CLPTM1: variants seen among roughly 807,000 people sequenced by gnomAD.
The protein encoded by CLPTM1 is putative lipid scramblase CLPTM1.
In CLPTM1, 21 loss-of-function variants were observed where a neutral mutation model predicts 77.3. That is an observed-to-expected ratio of 0.27 (90% CI 0.19 to 0.39). CLPTM1 has a LOEUF of 0.39. Ranked by LOEUF, CLPTM1 falls within the 10% of genes least tolerant of loss-of-function variation. The pLI, the probability that CLPTM1 is intolerant of heterozygous loss-of-function variation, is 1.00. For synonymous variants in CLPTM1, 373 were observed against 381.0 expected (o/e 0.98, Z 0.24); for missense variants, 642 against 921.2 (o/e 0.70, Z 3.92).
In CLPTM1 at chr19:44,993,097, C is replaced by A; in HGVS notation, c.*200C>A. The A allele has an allele frequency of 1.5e-6, 1 of 681,562 alleles. No individual in the cohort carries two copies. Among genetic ancestry groups the A allele is most frequent in the East Asian group, 3.0e-5 (1 of 33,838 alleles). 42.2% of individuals were successfully genotyped at this position (681,562 alleles called of 1,614,324 possible). A position where few individuals can be genotyped will look rare whatever the true frequency, so the allele number is the denominator to read the frequency against. On this transcript the variant is annotated 3_prime_UTR_variant, in exon 14 of 14. Coordinates refer to ENST00000337392, the MANE Select transcript of CLPTM1 (RefSeq NM_001294.4). Reference sequence around the variant, plus strand: ...GTTTGTGGAGGCGCTGTCTGTCCCTCTGTCCCTCTGTGTTTCCAGCCATCT... The same window carrying A: ...GTTTGTGGAGGCGCTGTCTGTCCCTATGTCCCTCTGTGTTTCCAGCCATCT...
At chr19:44,975,554 G>T (rs565862506) in intron 4 of CLPTM1, among the ~76,000 whole-genome samples, 1 of 147,854 alleles carries the variant, frequency 6.8e-6, no homozygotes, top group East Asian at 2.0e-4. Flanking sequence ...AGTCATTCTG[G>T]TTTTTTTTTT....
intron 3 of CLPTM1, 68 bp from the exon 4 acceptor site, chr19:44,974,371 G>A: frequency 6.6e-7 from 1 of 1,526,272 alleles, no homozygotes; most frequent in Admixed American, 1.9e-5. Flanking sequence ...CGCTGCCATA[G>A]CTCTTTAGCC....
intron 9 of CLPTM1, among the ~76,000 whole-genome samples, chr19:44,988,929 C>G (rs1186083435): frequency 2.0e-5 from 3 of 152,138 alleles, no homozygotes; most frequent in Non-Finnish European, 4.4e-5. Flanking sequence ...GCCTGTAATC[C>G]CAGCACTTTG....
At chr19:44,980,467 C>T (rs1970876299) in intron 5 of CLPTM1, among the ~76,000 whole-genome samples, 1 of 147,936 alleles carries the variant, frequency 6.8e-6, no homozygotes, top group African/African-American at 2.5e-5. Flanking sequence ...CGAGATCGTG[C>T]CACTGTACTC....
chr19:44,986,282 T>C (rs1970976186), intron 6 of CLPTM1, among the ~76,000 whole-genome samples, 173 bp from the exon 7 acceptor site: 1 of 454 alleles, frequency 2.2e-3, no homozygotes, highest in African/African-American at 0.015. Context: ...AGGATCGTGC[T>C]TGAGCCCAGA....
At position 44,992,788 on chromosome 19, in the gene CLPTM1, G is replaced by A; in HGVS notation, c.1901G>A (p.Arg634Lys). Residue 634 changes from arginine (R) to lysine (K), a missense_variant, in exon 14 of 14, where the codon AGG becomes AAG. By Grantham distance (26) the Arg-to-Lys change is conservative. Around this residue, in one of 2 missense-constraint regions of CLPTM1, gnomAD observed 521 missense variants for 800.4 expected, o/e 0.65. Transcript: ENST00000337392. This position sits in a 1 kb window ranked among gnomAD's most constrained non-coding sequence, Gnocchi z 7.7. The stretch of plus-strand genomic sequence containing the variant: ...GCACCCACCACGACCACCGCCACCA[G>A]GGAGGAGGCCTCCACGTCCCTGCCC... ...TPAPTTTTATREEASTSLPTK... is the reference protein window; with the variant it reads ...TPAPTTTTATKEEASTSLPTK... The A allele has an allele frequency of 6.2e-7, 1 of 1,613,108 alleles. No individual in the cohort carries two copies. Among genetic ancestry groups the A allele is most frequent in the Non-Finnish European group, 8.5e-7 (1 of 1,179,884 alleles).
intron 2 of CLPTM1, among the ~76,000 whole-genome samples, chr19:44,965,179 G>C (rs370483130): frequency 3.9e-5 from 6 of 152,222 alleles, no homozygotes; most frequent in Middle Eastern, 3.4e-3. Context: ...TTATGAGATA[G>C]AAGGAATTGC....
Position 44,980,518 on chromosome 19 carries a change from A to G in CLPTM1, c.586+3058A>G, listed in dbSNP as rs888556472. ...AGCAAGACTCCATCTCAAAAAAAAA[A>G]AAAAAAAAAGAAAAGAAAAGCCCCT... On this transcript the variant is annotated intron_variant, in intron 5 of 13. Transcript: ENST00000337392. Among the ~76,000 whole-genome samples, 9 of 151,640 alleles carry G rather than the reference A, an allele frequency of 5.9e-5. No homozygotes were observed. In the South Asian group the frequency reaches 8.3e-4, roughly 14 times the overall value.
chr19:44,974,756 G>A (rs1275511469), intron 4 of CLPTM1, among the ~76,000 whole-genome samples, 159 bp downstream of exon 4: 1 of 152,170 alleles, frequency 6.6e-6, no homozygotes, highest in Non-Finnish European at 1.5e-5. Flanking sequence ...CAGTCCCTGA[G>A]ATCTCTGGGC....
chr19:44,964,971 G>C, intron 2 of CLPTM1, among the ~76,000 whole-genome samples: 1 of 152,144 alleles, frequency 6.6e-6, no homozygotes, highest in Non-Finnish European at 1.5e-5. Flanking sequence ...GGAGATGCTG[G>C]GTGGTGGCGG....
rs1449602757 is a variant in CLPTM1 at position 44,974,568 on chromosome 19, G to A, written c.439G>A (p.Glu147Lys). Residue 147 changes from glutamate (E) to lysine (K), a missense_variant, in exon 4 of 14, where the codon GAG (glutamate) becomes AAG (lysine). By Grantham distance (56) the Glu-to-Lys change is moderately conservative. Transcript: ENST00000337392. Reference sequence around the variant, plus strand: ...CGGCGAGAACTCAGACGGCTGCTACGAGCACTTTGCTGAGCTCGATATCCC... The same window carrying A: ...CGGCGAGAACTCAGACGGCTGCTACAAGCACTTTGCTGAGCTCGATATCCC... ...TSGENSDGCY[E>K]HFAELDIPQS... The A allele has an allele frequency of 1.9e-6, 3 of 1,614,024 alleles. No individual in the cohort carries two copies. Among genetic ancestry groups the A allele is most frequent in the Non-Finnish European group, 2.5e-6 (3 of 1,180,008 alleles).
intron 2 of CLPTM1, among the ~76,000 whole-genome samples, chr19:44,965,666 T>G (rs1348198161): frequency 6.6e-6 from 1 of 151,594 alleles, no homozygotes; most frequent in Non-Finnish European, 1.5e-5. Flanking sequence ...ACAAAAAAAT[T>G]AGCCAGGTGT....
chr19:44,973,714 G>C (rs2122280963), intron 3 of CLPTM1, among the ~76,000 whole-genome samples: 1 of 151,830 alleles, frequency 6.6e-6, no homozygotes, highest in South Asian at 2.1e-4. Flanking sequence ...AGCAAACATG[G>C]CCATTGGGGC....
chr19:44,955,796 G>A (rs1970454700), intron 1 of CLPTM1: 5 of 280,546 alleles, frequency 1.8e-5, no homozygotes, highest in Non-Finnish European at 3.3e-5. Flanking sequence ...CTCTGAGGCC[G>A]TTCCTAGAGT....
chr19:44,955,595 C>G, intron 1 of CLPTM1, 128 bp downstream of exon 1: 1 of 965,822 alleles, frequency 1.0e-6, no homozygotes, highest in Non-Finnish European at 1.3e-6. Context: ...CCTTGAATAC[C>G]CGGCCCAGGC....
At chr19:44,956,734 C>T (rs1056356214) in intron 1 of CLPTM1, among the ~76,000 whole-genome samples, 1 of 152,104 alleles carries the variant, frequency 6.6e-6, no homozygotes, top group Non-Finnish European at 1.5e-5. Context: ...GAGACCAGGG[C>T]CCAGGTTGTT....
intron 1 of CLPTM1, among the ~76,000 whole-genome samples, chr19:44,956,177 A>G (rs1033192729): frequency 2.0e-5 from 3 of 152,296 alleles, no homozygotes; most frequent in South Asian, 2.1e-4. Flanking sequence ...ATGGAGAGAC[A>G]TGAAGGTGCT....
At chr19:44,977,858 G>A (rs1756803019) in intron 5 of CLPTM1, among the ~76,000 whole-genome samples, 1 of 152,154 alleles carries the variant, frequency 6.6e-6, no homozygotes, top group East Asian at 1.9e-4. Flanking sequence ...GTTCATGCCT[G>A]TAATCCTAGC....
chr19:44,992,665 C>A lies in CLPTM1; in HGVS notation c.1778C>A (p.Thr593Asn), dbSNP rs1381445946. 7.4e-6 allele frequency: 12 copies of A among 1,613,866 alleles called. No individual in the cohort carries two copies. In the Admixed American group the frequency reaches 1.8e-4, roughly 25 times the overall value. Residue 593 changes from threonine to asparagine, a missense_variant, in exon 14 of 14, where the codon ACC (threonine) becomes AAC (asparagine). Thr to Asn is a moderately conservative substitution (Grantham distance 65). Around this residue, in one of 2 missense-constraint regions of CLPTM1, gnomAD observed 521 missense variants for 800.4 expected, o/e 0.65. Coordinates refer to ENST00000337392, the MANE Select transcript of CLPTM1 (RefSeq NM_001294.4). The surrounding 1 kb of genome is among the most constrained non-coding windows in gnomAD (Gnocchi z 7.7). The part of the protein sequence containing the change: ...YQRWIYRVDP[T>N]RVNEFGMSGE... ...CGGTGGATCTACCGCGTCGACCCCA[C>A]CCGAGTCAACGAGTTTGGCATGAGT...
Sources: allele counts gnomAD v4.1 joint callset (sites outside exome capture counted in the v4.1 genomes callset), GRCh38; gene constraint gnomAD v4.1.1; regional missense constraint gnomAD v4.1.1; non-coding constraint Gnocchi (gnomAD v3.1); transcripts MANE v1.5; gene names NCBI Gene and HGNC (gene_info 2026-07-23, HGNC 2026-07-21).